The following OARD1 variants were observed in gnomAD, a reference collection of about 807,000 sequenced individuals.
OARD1 encodes the protein O-acyl-ADP-ribose deacylase 1.
In OARD1, 19 loss-of-function variants were observed where a neutral mutation model predicts 19.7. The ratio of observed to expected loss-of-function variants is 0.96; its 90% CI spans 0.67 to 1.41. OARD1 has a LOEUF of 1.41. Among genes scored for constraint, OARD1 ranks in the 40% most tolerant of loss-of-function variants. The pLI is 0.00. For synonymous variants in OARD1, 70 were observed against 61.8 expected (o/e 1.13, Z -0.62); for missense variants, 190 against 183.8 (o/e 1.03, Z -0.20).
chr6:41,080,797 G>T (rs752942578), intron 1 of OARD1: 2 of 1,609,818 alleles, frequency 1.2e-6, no homozygotes, highest in South Asian at 2.2e-5. Context: ...AGCTCTTCCT[G>T]TTCCTGTTCT....
chr6:41,074,003 C>T (rs4140580), upstream of OARD1, among the ~76,000 whole-genome samples: 58,991 of 151,572 alleles, frequency 0.39, 12,074 homozygotes, highest in African/African-American at 0.52. Context: ...TACCCTTGCG[C>T]ATTCTTTCCG....
intron 1 of OARD1, chr6:41,091,454 G>A: frequency 1.4e-6 from 2 of 1,460,346 alleles, no homozygotes; most frequent in African/African-American, 1.4e-5. Context: ...AGATAGAAGA[G>A]GGACTAACTA....
Position 41,065,021 on chromosome 6 carries a change from C to T in OARD1, c.*2314G>A. 6.6e-6 allele frequency: 1 copy of T among 151,832 alleles called. No individual in the cohort carries two copies. Among genetic ancestry groups the T allele is most frequent in the East Asian group, 1.9e-4 (1 of 5,172 alleles). 9.4% of individuals were successfully genotyped at this position (151,832 alleles called of 1,614,324 possible). A position where few individuals can be genotyped will look rare whatever the true frequency, so the allele number is the denominator to read the frequency against. On this transcript the variant is annotated 3_prime_UTR_variant, in exon 6 of 6. Coordinates refer to ENST00000424266, the MANE Select transcript of OARD1 (RefSeq NM_001329686.2). ...TAGGTTTCCAGGAATAATGTGTTCACTCTGATTACCAGGGCATGCCTCCTT... is the reference window on the plus strand; with the variant it reads ...TAGGTTTCCAGGAATAATGTGTTCATTCTGATTACCAGGGCATGCCTCCTT...
In OARD1 at chr6:41,069,010, A is replaced by G. The variant is rs1763178768; in HGVS notation, c.244-57T>C. On this transcript the variant is annotated intron_variant, in intron 4 of 5. Transcript: ENST00000424266. ...CCAAAATGATAGCCAAAGAAAAGTCATCACATTCCCCCAACATCCCAATAA... is the reference window on the plus strand; with the variant it reads ...CCAAAATGATAGCCAAAGAAAAGTCGTCACATTCCCCCAACATCCCAATAA... 1.3e-4 allele frequency: 117 copies of G among 883,470 alleles called. 3 individuals carry two copies. In the Middle Eastern group the frequency reaches 2.0e-3, roughly 15 times the overall value. 54.7% of individuals were successfully genotyped at this position (883,470 alleles called of 1,614,324 possible). A position where few individuals can be genotyped will look rare whatever the true frequency, so the allele number is the denominator to read the frequency against.
upstream of OARD1, among the ~76,000 whole-genome samples, chr6:41,076,304 T>C (rs1044845142): frequency 9.8e-5 from 15 of 152,336 alleles, no homozygotes; most frequent in Admixed American, 9.2e-4. Context: ...AGGTAAATGC[T>C]GTTTCATGAA....
chr6:41,071,404 C>T, intron 2 of OARD1, 128 bp from the exon 3 acceptor site: 2 of 1,066,054 alleles, frequency 1.9e-6, no homozygotes, highest in Non-Finnish European at 2.8e-6. Flanking sequence ...GATTTAAAGC[C>T]AAACCAATTA....
In OARD1 at chr6:41,067,047, A is replaced by C. The variant is rs1401861540; in HGVS notation, c.*288T>G. The C allele has an allele frequency of 5.1e-6, 1 of 196,226 alleles. No individual in the cohort carries two copies. The highest frequency in any genetic ancestry group is 1.0e-5 in the Non-Finnish European group (1 of 95,532). The allele number at this position is 196,226 out of a possible 1,614,324, so 12.2% of individuals were successfully genotyped here. A position where few individuals can be genotyped will look rare whatever the true frequency, so the allele number is the denominator to read the frequency against. ...TAGTGGCCAGCCAAACAAATCAGGT[A>C]GCATACTGGAGAAAAAGGTCATAGT... On this transcript the variant is annotated 3_prime_UTR_variant, in exon 6 of 6. Transcript: ENST00000424266.
At chr6:41,071,851 T>C (rs1238549640) in intron 1 of OARD1, 176 bp from the exon 2 acceptor site, 1 of 544,166 alleles carries the variant, frequency 1.8e-6, no homozygotes, top group South Asian at 2.5e-5. Flanking sequence ...GAAGAACGCT[T>C]AGGTTCGGAG....
At chr6:41,076,364 A>G (rs1218736787), upstream of OARD1, among the ~76,000 whole-genome samples, 3 of 152,256 alleles carry the variant, frequency 2.0e-5, no homozygotes, top group Admixed American at 2.0e-4. Context: ...GAGTTGTGAT[A>G]ATGAAATGTG....
chr6:41,073,163 G>A (rs901222312), upstream of OARD1: 3 of 152,588 alleles, frequency 2.0e-5, no homozygotes, highest in African/African-American at 7.2e-5. Context: ...GACCACTCAG[G>A]AGAGGCCCAG....
chr6:41,071,232 GTC>G lies in OARD1; in HGVS notation c.82_83del (p.Asp28LeufsTer8). Reference protein sequence around the residue: ...KGDLFACPKTDSLAHCISEDC... With the variant: ...KGDLFACPKTXSLAHCISEDC... ...CCTCACTGATACAGTGGGCTAAAGAGTCTGTTTTCGGGCATGCAAAAAGGTCT... is the reference window on the plus strand; with the variant it reads ...CCTCACTGATACAGTGGGCTAAAGAGTGTTTTCGGGCATGCAAAAAGGTCT... On this transcript the variant is annotated frameshift_variant, in exon 3 of 6. Coordinates refer to ENST00000424266, the MANE Select transcript of OARD1 (RefSeq NM_001329686.2). LOFTEE classifies it high-confidence loss of function. 6.2e-7 allele frequency: 1 copy of G among 1,614,066 alleles called. No homozygotes were observed. The highest frequency in any genetic ancestry group is 8.5e-7 in the Non-Finnish European group (1 of 1,179,904).
chr6:41,083,947 T>C, intron 1 of OARD1: 1 of 1,215,926 alleles, frequency 8.2e-7, no homozygotes, highest in Admixed American at 3.3e-5. Flanking sequence ...ACCTTTTCCT[T>C]TTCTAGCAAG....
chr6:41,073,857 CCT>C (rs886822721), upstream of OARD1, among the ~76,000 whole-genome samples: 3 of 152,030 alleles, frequency 2.0e-5, no homozygotes, highest in African/African-American at 7.3e-5. Flanking sequence ...CTCGTCATTT[CCT>C]CTCTTCCCCG....
chr6:41,087,152 C>T (rs1271395764), intron 1 of OARD1, among the ~76,000 whole-genome samples: 3 of 152,142 alleles, frequency 2.0e-5, no homozygotes, highest in Admixed American at 2.0e-4. Context: ...GAAATCCTAA[C>T]AGCCAATATA....
chr6:41,092,898 T>A, intron 1 of OARD1: 1 of 1,610,544 alleles, frequency 6.2e-7, no homozygotes, highest in Non-Finnish European at 8.5e-7. Flanking sequence ...AGCTCTGGTT[T>A]CCTGTTCACA....
At chr6:41,072,739 G>C (rs1763538357), upstream of OARD1, 1 of 152,888 alleles carries the variant, frequency 6.5e-6, no homozygotes, top group Non-Finnish European at 1.5e-5. Context: ...CTAAGCTCAA[G>C]GCAGCGTTTT....
intron 3 of OARD1, 134 bp downstream of exon 3, chr6:41,070,998 A>G (rs1763312000): frequency 1.1e-6 from 1 of 926,080 alleles, no homozygotes; most frequent in African/African-American, 1.7e-5. Flanking sequence ...ACTAGAGGCC[A>G]TTCTTGGGGA....
At chr6:41,094,568 T>C (rs183197697) in intron 1 of OARD1, 1 of 1,163,324 alleles carries the variant, frequency 8.6e-7, no homozygotes, top group South Asian at 1.3e-5. Context: ...CCTTCAGCAG[T>C]GTCCTCTTGC....
At chr6:41,072,067 C>A (rs114645892) in intron 1 of OARD1, among the ~76,000 whole-genome samples, 169 bp downstream of exon 1, 1 of 152,218 alleles carries the variant, frequency 6.6e-6, no homozygotes, top group Non-Finnish European at 1.5e-5. Context: ...GGGACTTGGC[C>A]ACAGTCCCGT....
Sources: gnomAD v4.1 joint callset for allele counts (sites outside exome capture counted in the v4.1 genomes callset) on GRCh38, gnomAD v4.1.1 for gene constraint, MANE v1.5 for transcripts, NCBI Gene and HGNC (gene_info 2026-07-23, HGNC 2026-07-21) for gene names.